SOS1: variants seen among roughly 807,000 people sequenced by gnomAD.
The protein encoded by SOS1 is SOS Ras/Rac guanine nucleotide exchange factor 1.
A neutral mutation model predicts 157.6 loss-of-function variants in SOS1; 25 were observed. The ratio of observed to expected loss-of-function variants is 0.16; its 90% CI spans 0.12 to 0.22. The LOEUF (loss-of-function observed/expected upper bound fraction) is 0.22, where lower values mean the gene tolerates loss of function less well. SOS1 is among the 10% of genes least tolerant of loss of function. SOS1 has a pLI of 1.00. For missense variants in SOS1, 1,237 were observed against 1,599.1 expected, an observed-to-expected ratio of 0.77 and a Z score of 3.86; for synonymous variants, 528 against 534.0, an observed-to-expected ratio of 0.99 and a Z score of 0.16.
chr2:39,092,007 A>G lies in SOS1; in HGVS notation c.88-24254T>C, dbSNP rs188840708. On this transcript the variant is annotated intron_variant, in intron 1 of 22. Coordinates refer to ENST00000402219, the MANE Select transcript of SOS1 (RefSeq NM_005633.4). ...CACTTTGCTTCATTATTACGCCCAC[A>G]AAAGTCTGTTTTTCTTCACAAATTG... 5.9e-5 allele frequency among the ~76,000 whole-genome samples: 9 copies of G among 152,248 alleles called. No homozygotes were observed. The East Asian group carries it at 1.7e-3, about 29-fold the overall frequency.
At chr2:39,091,590 G>A (rs546241242) in intron 1 of SOS1, among the ~76,000 whole-genome samples, 51 of 137,974 alleles carry the variant, frequency 3.7e-4, no homozygotes, top group South Asian at 1.2e-3. Context: ...AAAAGAACTC[G>A]AAAAAAAAAA....
chr2:39,069,673 T>C (rs1010089720), intron 1 of SOS1, among the ~76,000 whole-genome samples: 3 of 151,870 alleles, frequency 2.0e-5, no homozygotes, highest in African/African-American at 4.8e-5. Context: ...TCCGCCTCCC[T>C]AGTAGCTGGG....
chr2:39,038,123 G>A (rs999518661), intron 6 of SOS1, among the ~76,000 whole-genome samples: 2 of 152,170 alleles, frequency 1.3e-5, no homozygotes, highest in Non-Finnish European at 2.9e-5. Flanking sequence ...CATAGATAGT[G>A]ATTCCTCTGC....
At position 38,997,349 on chromosome 2, in the gene SOS1, T is replaced by G. The variant is rs758834690; in HGVS notation, c.2868A>C (p.Ile956=). 23 of 1,612,890 alleles carry G rather than the reference T, an allele frequency of 1.4e-5. No homozygotes were observed. The highest frequency in any genetic ancestry group is 1.2e-5 in the Non-Finnish European group (14 of 1,179,194). Residue 956 remains isoleucine (I), a synonymous_variant, in exon 18 of 23, where the codon ATA becomes ATC. Coordinates refer to ENST00000402219, the MANE Select transcript of SOS1 (RefSeq NM_005633.4). ...EVLKRHGKEL[I]NFSKRRKVAE... is the part of the protein sequence containing the mutation. ...CTACTTTCCTCCTTTTGCTAAAGTT[T>G]ATAAGCTCTTTTCCATGTCTTTTTA...
At chr2:39,007,516 G>A in intron 15 of SOS1, 2 of 275,236 alleles carry the variant, frequency 7.3e-6, no homozygotes, top group Non-Finnish European at 1.4e-5. Flanking sequence ...TCTTTGTGAT[G>A]TGGGTGTATT....
intron 1 of SOS1, among the ~76,000 whole-genome samples, chr2:39,114,952 C>A (rs745512645): frequency 1.1e-4 from 17 of 152,050 alleles, no homozygotes; most frequent in Non-Finnish European, 1.9e-4. Context: ...GGGTTTCATT[C>A]CTTCTGCCTG....
intron 1 of SOS1, among the ~76,000 whole-genome samples, chr2:39,090,357 T>C (rs936363708): frequency 1.3e-5 from 2 of 152,156 alleles, no homozygotes; most frequent in Admixed American, 1.3e-4. Context: ...GTTGACATAG[T>C]AACATAGTAA....
intron 1 of SOS1, among the ~76,000 whole-genome samples, chr2:39,095,730 T>C (rs1672746712): frequency 6.6e-6 from 1 of 152,180 alleles, no homozygotes; most frequent in Non-Finnish European, 1.5e-5. Flanking sequence ...TTATATAGGA[T>C]AGAGCCATGT....
intron 1 of SOS1, among the ~76,000 whole-genome samples, chr2:39,072,714 CAAAG>C (rs1296875598): frequency 6.6e-6 from 1 of 151,460 alleles, no homozygotes; most frequent in Non-Finnish European, 1.5e-5. Context: ...ATAAATCAAA[CAAAG>C]AATTAGCTTA....
At chr2:39,110,552 A>G (rs72909674) in intron 1 of SOS1, among the ~76,000 whole-genome samples, 4,386 of 151,818 alleles carry the variant, frequency 0.029, 198 homozygotes, top group African/African-American at 0.092. Flanking sequence ...GGAGCAATAA[A>G]AAAAAAAAAA....
chr2:39,033,131 C>T (rs997523538), intron 8 of SOS1, among the ~76,000 whole-genome samples: 1 of 141,996 alleles, frequency 7.0e-6, no homozygotes, highest in Admixed American at 7.3e-5. Context: ...AGTGCAATGG[C>T]GTGATCTTGG....
chr2:39,095,345 G>A (rs1324543106), intron 1 of SOS1, among the ~76,000 whole-genome samples: 1 of 152,194 alleles, frequency 6.6e-6, no homozygotes, highest in African/African-American at 2.4e-5. Flanking sequence ...ACTGGTAGAT[G>A]GGTACAGGTC....
In SOS1 at chr2:39,035,302, G is replaced by A. The variant is rs778223456; in HGVS notation, c.984C>T (p.Gly328=). The part of the protein sequence containing the change: ...PGAALYLQSI[G]EGFKEAVQYV... ...ATTGAACAGCTTCTTTGAAACCTTCGCCTATTGACTGGAAAAAAAAGTGAT... is the reference window on the plus strand; with the variant it reads ...ATTGAACAGCTTCTTTGAAACCTTCACCTATTGACTGGAAAAAAAAGTGAT... The change falls in exon 8 of 23, where the codon GGC becomes GGT. Residue 328 remains glycine (G), a synonymous_variant. Coordinates refer to ENST00000402219, the MANE Select transcript of SOS1 (RefSeq NM_005633.4). 2.1e-5 allele frequency: 34 copies of A among 1,613,118 alleles called. No individual in the cohort carries two copies. In the Admixed American group the frequency reaches 2.7e-4, roughly 13 times the overall value.
At chr2:39,037,964 C>T (rs1480802387) in intron 6 of SOS1, among the ~76,000 whole-genome samples, 1 of 152,130 alleles carries the variant, frequency 6.6e-6, no homozygotes, top group Non-Finnish European at 1.5e-5. Flanking sequence ...ACCTAGACAC[C>T]TAAGAGCTCT....
chr2:39,056,878 A>G lies in SOS1; in HGVS notation c.346-12T>C. 1.9e-6 allele frequency: 3 copies of G among 1,586,926 alleles called. No homozygotes were observed. Among genetic ancestry groups the G allele is most frequent in the Non-Finnish European group, 2.6e-6 (3 of 1,156,064 alleles). On this transcript the variant is annotated splice_polypyrimidine_tract_variant and intron_variant, in intron 3 of 22. Coordinates refer to ENST00000402219, the MANE Select transcript of SOS1 (RefSeq NM_005633.4). ...TAACCTAGGACCTCCTGCAAAATTA[A>G]AAGAAAAGCATGTTTAAACATCATA...
chr2:39,022,438 T>C, intron 10 of SOS1, 132 bp downstream of exon 10: 1 of 695,394 alleles, frequency 1.4e-6, no homozygotes, highest in Admixed American at 2.4e-5. Context: ...TAAAGTGGGG[T>C]ATTTTTAGTC....
intron 10 of SOS1, among the ~76,000 whole-genome samples, chr2:39,016,469 G>A (rs1243334525): frequency 6.6e-6 from 1 of 152,070 alleles, no homozygotes; most frequent in Non-Finnish European, 1.5e-5. Context: ...AAAACAGAAG[G>A]CTGTACAAGA....
At chr2:39,022,257 A>T (rs1259273146) in intron 10 of SOS1, among the ~76,000 whole-genome samples, 1 of 151,846 alleles carries the variant, frequency 6.6e-6, no homozygotes, top group Admixed American at 6.6e-5. Flanking sequence ...GGAGTAAAAA[A>T]CTTTTTAGAT....
Position 39,022,893 on chromosome 2 carries a change from T to A in SOS1, c.1535A>T (p.His512Leu), listed in dbSNP as rs781159925. The change falls in exon 10 of 23, where the codon CAT becomes CTT. Residue 512 changes from histidine (H) to leucine (L), a missense_variant. Transcript: ENST00000402219. The part of the protein sequence containing the change: ...NDKDDTNEYK[H>L]AFEIILKDEN... ...ATCTTTTAAAATTATTTCAAAAGCA[T>A]GCTTGTATTCATTGGTGTCATCTTT... 8.1e-6 allele frequency: 13 copies of A among 1,611,664 alleles called. No homozygotes were observed. The highest frequency in any genetic ancestry group is 1.0e-5 in the Non-Finnish European group (12 of 1,178,038).
Sources: gnomAD v4.1 joint callset for allele counts (sites outside exome capture counted in the v4.1 genomes callset) on GRCh38, gnomAD v4.1.1 for gene constraint, MANE v1.5 for transcripts, NCBI Gene and HGNC (gene_info 2026-07-23, HGNC 2026-07-21) for gene names.